The following MROH1 variants were observed in gnomAD, a reference collection of about 807,000 sequenced individuals.
The protein encoded by MROH1 is maestro heat like repeat family member 1, also known as maestro heat-like repeat-containing protein family member 1.
In MROH1, 117 loss-of-function variants were observed where a neutral mutation model predicts 116.5. The observed-to-expected ratio is 1.00, with a 90% CI of 0.86 to 1.17. The LOEUF is 1.17. Ranked by LOEUF, MROH1 falls within the 50% of genes most tolerant of loss-of-function variation. MROH1 has a pLI of 0.00. For synonymous variants in MROH1, 921 were observed against 583.9 expected, an observed-to-expected ratio of 1.58 and a Z score of -8.32; for missense variants, 1,873 against 1,338.5, an observed-to-expected ratio of 1.40 and a Z score of -6.23.
rs1271880487 is a variant in MROH1, at chr8:144,248,313, A to AAG, written c.3121-561_3121-560dup. Among the ~76,000 whole-genome samples the AAG allele has an allele frequency of 3.9e-5, 6 of 152,282 alleles. No individual in the cohort carries two copies. The South Asian group carries it at 1.2e-3, about 32-fold the overall frequency. ...AGTATTGCATTACGGGGGGGAAAAA[A>AAG]AGAGTCCTTCCAAGGGGATGAGAAA... On this transcript the variant is annotated intron_variant, in intron 31 of 43. Coordinates refer to ENST00000326134, the MANE Select transcript of MROH1 (RefSeq NM_032450.3).
At chr8:144,214,820 G>A (rs2132209493) in intron 12 of MROH1, among the ~76,000 whole-genome samples, 1 of 152,280 alleles carries the variant, frequency 6.6e-6, no homozygotes, top group South Asian at 2.1e-4. Context: ...ATGTGTATAT[G>A]AAGGGGAATT....
chr8:144,241,372 G>A (rs1395617166), intron 21 of MROH1, 23 bp from the exon 22 acceptor site: 20 of 761,818 alleles, frequency 2.6e-5, no homozygotes, highest in East Asian at 7.4e-5. Context: ...TTCCCTGCCC[G>A]GGGTAAGTGT....
intron 4 of MROH1, chr8:144,175,222 A>G (rs1823520954): frequency 1.1e-6 from 1 of 923,802 alleles, no homozygotes; most frequent in Non-Finnish European, 1.3e-6. Flanking sequence ...TGCTGCACCC[A>G]AGCTGCCCCT....
intron 12 of MROH1, chr8:144,214,508 G>A (rs1489526150): frequency 6.6e-6 from 1 of 152,206 alleles, no homozygotes; most frequent in East Asian, 1.9e-4. Flanking sequence ...CCCGGTGCAT[G>A]TGAAATGTTA....
Position 144,243,478 on chromosome 8 carries a change from C to A in MROH1, c.2353-16C>A, listed in dbSNP as rs919432885. 12 of 778,598 alleles carry A rather than the reference C, an allele frequency of 1.5e-5. No homozygotes were observed. The highest frequency in any genetic ancestry group is 2.9e-5 in the Non-Finnish European group (12 of 417,802). 48.2% of individuals were successfully genotyped at this position (778,598 alleles called of 1,614,324 possible). On this transcript the variant is annotated splice_polypyrimidine_tract_variant and intron_variant, in intron 24 of 43. Coordinates refer to ENST00000326134, the MANE Select transcript of MROH1 (RefSeq NM_032450.3). The stretch of plus-strand genomic sequence containing the variant: ...GGGCGGGCGTGGGCGTCTCCTGTAG[C>A]CCTGCGTCCCTGCAGGACCCAGCCC...
chr8:144,218,689 T>TGTCTCCTCCC (rs1835864289), intron 12 of MROH1, among the ~76,000 whole-genome samples: 1 of 52,722 alleles, frequency 1.9e-5, no homozygotes, highest in Non-Finnish European at 3.8e-5. Context: ...TCCCCTCCCC[T>TGTCTCCTCCC]CTCTCCTCCC....
chr8:144,258,992 A>G (rs1200030912), intron 36 of MROH1, 78 bp downstream of exon 36: 2 of 656,338 alleles, frequency 3.0e-6, no homozygotes, highest in Non-Finnish European at 5.6e-6. Flanking sequence ...TGACAGGATC[A>G]GGCGGGGGCC....
chr8:144,218,831 T>C (rs1206532991), intron 12 of MROH1, among the ~76,000 whole-genome samples: 1 of 8,514 alleles, frequency 1.2e-4, no homozygotes, highest in Non-Finnish European at 2.0e-4. Context: ...TCCCCTCCCC[T>C]CCTCCCTTCC....
In MROH1 at chr8:144,259,925, C is replaced by T. The variant is rs924301716; in HGVS notation, c.4059C>T (p.Asn1353=). 2.0e-5 allele frequency: 15 copies of T among 740,398 alleles called. No individual in the cohort carries two copies. Among genetic ancestry groups the T allele is most frequent in the African/African-American group, 1.4e-4 (8 of 58,260 alleles). 45.9% of individuals were successfully genotyped at this position (740,398 alleles called of 1,614,324 possible). The part of the protein sequence containing the change: ...TAFLAELLNS[N]VANDLMLLDS... ...TCTGCCTGCAGCTGCTGAACAGCAA[C>T]GTGGCCAACGACCTCATGCTCTTGG... The change falls in exon 38 of 44, where the codon AAC becomes AAT. Residue 1353 remains asparagine (N), a synonymous_variant. Transcript: ENST00000326134.
At chr8:144,162,911 C>A in intron 2 of MROH1, among the ~76,000 whole-genome samples, 1 of 150,580 alleles carries the variant, frequency 6.6e-6, no homozygotes, top group East Asian at 2.0e-4. Flanking sequence ...TTAGTAGAGA[C>A]AGAGTTTCAT....
At chr8:144,252,995 TA>T (rs1843093467) in intron 33 of MROH1, among the ~76,000 whole-genome samples, 1 of 148,468 alleles carries the variant, frequency 6.7e-6, no homozygotes, top group African/African-American at 2.5e-5. Flanking sequence ...TATATATATA[TA>T]TATATGAATT....
intron 12 of MROH1, among the ~76,000 whole-genome samples, chr8:144,207,520 T>G (rs1303847896): frequency 6.6e-6 from 1 of 152,102 alleles, no homozygotes; most frequent in African/African-American, 2.4e-5. Flanking sequence ...TTGATTGATT[T>G]ATAGAGAGAG....
chr8:144,187,133 G>T (rs921887060), intron 7 of MROH1, among the ~76,000 whole-genome samples: 4 of 151,802 alleles, frequency 2.6e-5, no homozygotes, highest in Admixed American at 2.6e-4. Context: ...AACTCAGGCC[G>T]GGCATGGTGG....
intron 4 of MROH1, among the ~76,000 whole-genome samples, chr8:144,178,014 GAGTGGTGTGATCTCGGCTCACTGCA>G (rs1452477879): frequency 6.6e-6 from 1 of 151,460 alleles, no homozygotes; most frequent in Non-Finnish European, 1.5e-5. Context: ...GCCCAGGCTG[GAGTGGTGTGATCTCGGCTCACTGCA>G]ACCTCCACCT....
At chr8:144,246,889 T>C (rs1479355570) in intron 29 of MROH1, among the ~76,000 whole-genome samples, 1 of 152,146 alleles carries the variant, frequency 6.6e-6, no homozygotes, top group African/African-American at 2.4e-5. Flanking sequence ...ACCAGGACAG[T>C]CAGGGTGTGA....
At chr8:144,235,364 T>C (rs1839878135) in intron 14 of MROH1, among the ~76,000 whole-genome samples, 1 of 152,222 alleles carries the variant, frequency 6.6e-6, no homozygotes, top group Admixed American at 6.5e-5. Context: ...TTTCCTTGCT[T>C]AGCTGTCCCA....
intron 31 of MROH1, 34 bp downstream of exon 31, chr8:144,247,713 G>T: frequency 1.4e-6 from 1 of 729,358 alleles, no homozygotes; most frequent in South Asian, 1.4e-5. Context: ...CGGAAGGCAG[G>T]CTGGCACTGT....
intron 8 of MROH1, 87 bp downstream of exon 8, chr8:144,191,022 G>A (rs956150607): frequency 6.8e-7 from 1 of 1,462,656 alleles, no homozygotes; most frequent in Non-Finnish European, 9.2e-7. Flanking sequence ...TGATCAGAGG[G>A]TGGTGGTGTT....
intron 39 of MROH1, 86 bp from the exon 40 acceptor site, chr8:144,260,591 G>A: frequency 1.3e-6 from 1 of 765,186 alleles, no homozygotes; most frequent in African/African-American, 1.7e-5. Flanking sequence ...GGTCAGGCAA[G>A]GGCACCCATC....
Sources: allele counts gnomAD v4.1 joint callset (sites outside exome capture counted in the v4.1 genomes callset), GRCh38; gene constraint gnomAD v4.1.1; transcripts MANE v1.5; gene names NCBI Gene and HGNC (gene_info 2026-07-23, HGNC 2026-07-21).